The following NAALADL2 variants were observed in gnomAD, a reference collection of about 807,000 sequenced individuals.
NAALADL2 encodes inactive N-acetylated-alpha-linked acidic dipeptidase-like protein 2.
In NAALADL2, 76 loss-of-function variants were observed where a neutral mutation model predicts 87.2. The observed-to-expected ratio is 0.87, with a 90% CI of 0.72 to 1.05. The LOEUF (loss-of-function observed/expected upper bound fraction) is 1.05. Ranked by LOEUF, NAALADL2 falls within the 50% of genes least tolerant of loss-of-function variation. The probability of loss-of-function intolerance (pLI) is 0.00; values close to 1 mark genes in which losing one functional copy is unlikely to be tolerated. For synonymous variants in NAALADL2, 354 were observed against 331.0 expected, an observed-to-expected ratio of 1.07 and a Z score of -0.75; for missense variants, 1,089 against 945.8, an observed-to-expected ratio of 1.15 and a Z score of -1.99.
intron 1 of NAALADL2, among the ~76,000 whole-genome samples, chr3:174,510,476 AT>A (rs930429709): frequency 2.0e-5 from 3 of 151,702 alleles, no homozygotes; most frequent in East Asian, 1.9e-4. Context: ...TCTTTCAAGG[AT>A]TTTTTTTGTT....
intron 2 of NAALADL2, among the ~76,000 whole-genome samples, chr3:175,112,062 A>G (rs1724281025): frequency 6.6e-6 from 1 of 151,670 alleles, no homozygotes; most frequent in Admixed American, 6.6e-5. Flanking sequence ...ATAAATACAT[A>G]AATAAGGTTT....
chr3:175,798,993 C>T (rs559503001), intron 13 of NAALADL2, among the ~76,000 whole-genome samples: 2 of 151,898 alleles, frequency 1.3e-5, no homozygotes, highest in Non-Finnish European at 2.9e-5. Flanking sequence ...TTTAAACATG[C>T]CCCCCATAAT....
intron 10 of NAALADL2, among the ~76,000 whole-genome samples, chr3:175,583,788 T>TA (rs1720140825): frequency 6.6e-6 from 1 of 152,226 alleles, no homozygotes; most frequent in Non-Finnish European, 1.5e-5. Context: ...GGTTTCTTTT[T>TA]AAAAAACTGA....
At chr3:175,760,577 A>C (rs1747872319) in intron 13 of NAALADL2, among the ~76,000 whole-genome samples, 1 of 152,200 alleles carries the variant, frequency 6.6e-6, no homozygotes, top group South Asian at 2.1e-4. Context: ...AGTACTATCA[A>C]ATCCAGCAGT....
intron 1 of NAALADL2, among the ~76,000 whole-genome samples, chr3:174,930,917 C>T (rs1255537811): frequency 2.6e-5 from 4 of 151,818 alleles, no homozygotes; most frequent in African/African-American, 4.8e-5. Flanking sequence ...CCACCACGCC[C>T]GGCCAAGATG....
At chr3:174,994,764 A>G (rs1018701112) in intron 1 of NAALADL2, among the ~76,000 whole-genome samples, 5 of 152,194 alleles carry the variant, frequency 3.3e-5, no homozygotes, top group South Asian at 2.1e-4. Context: ...CCGTTTGGAA[A>G]TTCTCAAATT....
rs1722635648 is a variant in NAALADL2, at chr3:175,103,766, A to C, written c.545+6475A>C. 3.3e-5 allele frequency among the ~76,000 whole-genome samples: 5 copies of C among 152,280 alleles called. No individual in the cohort carries two copies. In the South Asian group the frequency reaches 8.3e-4, roughly 25 times the overall value. ...CATAATTTAACCGGGACAACTATCA[A>C]CAGCAAGAAACACAACTTATGACCA... On this transcript the variant is annotated intron_variant, in intron 2 of 13. Transcript: ENST00000454872.
intron 1 of NAALADL2, among the ~76,000 whole-genome samples, chr3:175,028,786 T>C (rs893771775): frequency 5.9e-5 from 9 of 151,866 alleles, no homozygotes; most frequent in African/African-American, 2.2e-4. Context: ...TTTTAGAAGC[T>C]AAAATTTGGG....
At chr3:174,476,175 T>TA (rs1313751911) in intron 1 of NAALADL2, among the ~76,000 whole-genome samples, 1 of 151,852 alleles carries the variant, frequency 6.6e-6, no homozygotes, top group Non-Finnish European at 1.5e-5. Context: ...GAAAATTTAT[T>TA]AATGTGTAAT....
At chr3:175,564,647 C>T (rs1262185029) in intron 9 of NAALADL2, among the ~76,000 whole-genome samples, 1 of 152,088 alleles carries the variant, frequency 6.6e-6, no homozygotes, top group Non-Finnish European at 1.5e-5. Flanking sequence ...ATTGTGAGGC[C>T]AGAGTTGTTA....
At chr3:174,683,997 C>T (rs1168767348) in intron 2 of NAALADL2, among the ~76,000 whole-genome samples, 2 of 151,746 alleles carry the variant, frequency 1.3e-5, no homozygotes, top group South Asian at 4.2e-4. Context: ...TTCTATGCAT[C>T]ACATTTAGGG....
intron 2 of NAALADL2, among the ~76,000 whole-genome samples, chr3:175,139,436 A>G (rs920283832): frequency 6.6e-6 from 1 of 152,098 alleles, no homozygotes; most frequent in Non-Finnish European, 1.5e-5. Context: ...AAAAGTCATT[A>G]TTATCATATA....
intron 10 of NAALADL2, among the ~76,000 whole-genome samples, chr3:175,608,258 T>C (rs976708526): frequency 3.4e-5 from 5 of 148,896 alleles, no homozygotes; most frequent in African/African-American, 1.2e-4. Context: ...CATTTTCAGA[T>C]TGTGGACTAT....
At chr3:174,849,430 A>AT (rs571873035) in intron 3 of NAALADL2, among the ~76,000 whole-genome samples, 48 of 151,680 alleles carry the variant, frequency 3.2e-4, no homozygotes, top group African/African-American at 7.2e-4. Context: ...AAAATTTTCA[A>AT]TTTTTTTTGC....
At chr3:174,531,998 A>G (rs1219982469) in intron 1 of NAALADL2, among the ~76,000 whole-genome samples, 1 of 152,248 alleles carries the variant, frequency 6.6e-6, no homozygotes, top group Non-Finnish European at 1.5e-5. Flanking sequence ...CTAATGAAAT[A>G]AAATATCTGA....
intron 5 of NAALADL2, among the ~76,000 whole-genome samples, chr3:175,343,657 T>TTTTTTTTTTTTC (rs1762812943): frequency 7.8e-6 from 1 of 128,104 alleles, no homozygotes; most frequent in African/African-American, 3.4e-5. Flanking sequence ...TTGATCATGT[T>TTTTTTTTTTTTC]TTTTTTTTTT....
intron 5 of NAALADL2, among the ~76,000 whole-genome samples, chr3:175,439,737 T>G (rs35433794): frequency 0.048 from 7,202 of 149,190 alleles, 456 homozygotes; most frequent in East Asian, 0.14. Context: ...TTTTCTTTTT[T>G]TTCTTTTTTT....
At position 175,138,918 on chromosome 3, in the gene NAALADL2, A is replaced by ATATATATATG. The variant is rs1553787384; in HGVS notation, c.545+41634_545+41635insATGTATATAT. On this transcript the variant is annotated intron_variant, in intron 2 of 13. Coordinates refer to ENST00000454872, the MANE Select transcript of NAALADL2 (RefSeq NM_207015.3). ...TATATATATATATATATATATATAT[A>ATATATATATG]TATATATGATAGTGAAGGTTTTATT... 1.7e-4 allele frequency among the ~76,000 whole-genome samples: 23 copies of ATATATATATG among 136,374 alleles called. No individual in the cohort carries two copies. In the South Asian group the frequency reaches 2.1e-3, roughly 13 times the overall value. The allele number at this position is 136,374 out of a possible 152,430, so 89.5% of individuals were successfully genotyped here. A position where few individuals can be genotyped will look rare whatever the true frequency, so the allele number is the denominator to read the frequency against.
intron 11 of NAALADL2, among the ~76,000 whole-genome samples, chr3:175,653,393 T>C (rs539463436): frequency 6.6e-6 from 1 of 152,312 alleles, no homozygotes; most frequent in South Asian, 2.1e-4. Context: ...TACTGCTAGA[T>C]TTTCTAACGT....
Sources: allele counts gnomAD v4.1 joint callset (sites outside exome capture counted in the v4.1 genomes callset), GRCh38; gene constraint gnomAD v4.1.1; transcripts MANE v1.5; gene names NCBI Gene and HGNC (gene_info 2026-07-23, HGNC 2026-07-21).